The following MDGA2 variants were observed in gnomAD, a reference collection of about 807,000 sequenced individuals.
MDGA2 encodes the protein MAM domain containing glycosylphosphatidylinositol anchor 2.
In MDGA2, 40 loss-of-function variants were observed where a neutral mutation model predicts 117.8. The observed-to-expected ratio is 0.34, with a 90% CI of 0.26 to 0.44. The LOEUF is 0.44. Ranked by LOEUF, MDGA2 falls within the 20% of genes least tolerant of loss-of-function variation. The probability of loss-of-function intolerance (pLI) is 1.00; values close to 1 mark genes in which losing one functional copy is unlikely to be tolerated. For synonymous variants in MDGA2, 452 were observed against 439.0 expected, an observed-to-expected ratio of 1.03 and a Z score of -0.37; for missense variants, 1,123 against 1,250.6, an observed-to-expected ratio of 0.90 and a Z score of 1.54.
At position 47,175,647 on chromosome 14, in the gene MDGA2, T is replaced by A. The variant is rs898492771; in HGVS notation, c.596-31373A>T. Among the ~76,000 whole-genome samples the A allele has an allele frequency of 1.9e-4, 29 of 151,760 alleles. 1 individual carries two copies. The highest frequency in any genetic ancestry group is 3.8e-4 in the Non-Finnish European group (26 of 68,016). ...ATAAATTACATATTGATGGGACGTA[T>A]CTCAAAATAATAAGAGCTATCTATG... On this transcript the variant is annotated intron_variant, in intron 3 of 16. Transcript: ENST00000399232.
chr14:47,064,796 C>T (rs552104280), intron 6 of MDGA2, among the ~76,000 whole-genome samples: 8 of 152,170 alleles, frequency 5.3e-5, no homozygotes, highest in African/African-American at 1.9e-4. Context: ...TATAATTAAA[C>T]GCTCTCTTTT....
At chr14:47,021,292 C>T (rs10484194) in intron 8 of MDGA2, among the ~76,000 whole-genome samples, 22,238 of 152,070 alleles carry the variant, frequency 0.15, 1,702 homozygotes, top group Admixed American at 0.22. Context: ...AGCAACCATC[C>T]TCATTCTAAA....
At chr14:47,408,056 C>CTTTTTTTTTTTTTTTTTTTTTTTTTTT (rs56285818) in intron 1 of MDGA2, among the ~76,000 whole-genome samples, 2 of 115,188 alleles carry the variant, frequency 1.7e-5, no homozygotes, top group Non-Finnish European at 3.4e-5. Flanking sequence ...GGAGATTATT[C>CTTTTTTTTTTTTTTTTTTTTTTTTTTT]TTTTTTTTTT....
intron 2 of MDGA2, among the ~76,000 whole-genome samples, chr14:47,281,646 A>T (rs1888494385): frequency 6.6e-6 from 1 of 152,210 alleles, no homozygotes; most frequent in Admixed American, 6.5e-5. Flanking sequence ...TCAACTAATG[A>T]TTTTAGCAGT....
chr14:47,256,704 G>A (rs1297334415), intron 2 of MDGA2, among the ~76,000 whole-genome samples: 1 of 152,016 alleles, frequency 6.6e-6, no homozygotes, highest in African/African-American at 2.4e-5. Context: ...GATTGAGTTG[G>A]TTTGTAATTT....
chr14:47,631,308 A>G (rs1381049291), intron 1 of MDGA2, among the ~76,000 whole-genome samples: 1 of 152,148 alleles, frequency 6.6e-6, no homozygotes, highest in African/African-American at 2.4e-5. Context: ...CTTTCTATCC[A>G]CATCCCCTTC....
chr14:47,564,607 G>T (rs569195263), intron 1 of MDGA2, among the ~76,000 whole-genome samples: 4 of 152,284 alleles, frequency 2.6e-5, no homozygotes, highest in African/African-American at 9.6e-5. Context: ...AATTATGGAA[G>T]TTCAATTCAA....
At chr14:47,173,408 G>T (rs150595161) in intron 3 of MDGA2, among the ~76,000 whole-genome samples, 8,658 of 152,182 alleles carry the variant, frequency 0.057, 324 homozygotes, top group East Asian at 0.17. Flanking sequence ...AGAAAGGTTG[G>T]GTTACCCACA....
Position 47,159,469 on chromosome 14 carries a change from T to A in MDGA2, c.596-15195A>T, listed in dbSNP as rs201863084. The stretch of plus-strand genomic sequence containing the variant: ...TAGTCAATCATTCCCATTAATTGTC[T>A]CTAAACTCCCATTAATTGTCCTTAA... On this transcript the variant is annotated intron_variant, in intron 3 of 16. Transcript: ENST00000399232. Among the ~76,000 whole-genome samples, 23 of 152,352 alleles carry A rather than the reference T, an allele frequency of 1.5e-4. No individual in the cohort carries two copies. The East Asian group carries it at 4.4e-3, about 29-fold the overall frequency.
intron 1 of MDGA2, among the ~76,000 whole-genome samples, chr14:47,571,815 G>C (rs1896025857): frequency 6.6e-6 from 1 of 152,038 alleles, no homozygotes. Context: ...TAGATGACGG[G>C]TTGATGGGTG....
intron 1 of MDGA2, among the ~76,000 whole-genome samples, chr14:47,441,547 TATAA>T (rs1181693729): frequency 6.6e-6 from 1 of 152,174 alleles, no homozygotes; most frequent in African/African-American, 2.4e-5. Context: ...AAAATAAGTA[TATAA>T]ATAAATATGT....
At chr14:47,148,811 C>G (rs1001393463) in intron 3 of MDGA2, among the ~76,000 whole-genome samples, 1 of 152,126 alleles carries the variant, frequency 6.6e-6, no homozygotes, top group Non-Finnish European at 1.5e-5. Context: ...GGACAAGGAT[C>G]GTGGCTTTTC....
chr14:47,538,910 G>A (rs749642813), intron 1 of MDGA2, among the ~76,000 whole-genome samples: 4 of 152,130 alleles, frequency 2.6e-5, no homozygotes, highest in African/African-American at 9.6e-5. Flanking sequence ...CAGGGGTAAC[G>A]GAGTACCTAA....
chr14:46,937,526 A>C (rs372373229), intron 9 of MDGA2, among the ~76,000 whole-genome samples: 60 of 152,324 alleles, frequency 3.9e-4, no homozygotes, highest in African/African-American at 1.4e-3. Flanking sequence ...GAGCAAAAGA[A>C]ACAAAGCTGA....
chr14:47,377,995 C>A (rs1891519539), intron 1 of MDGA2, among the ~76,000 whole-genome samples: 2 of 152,186 alleles, frequency 1.3e-5, no homozygotes, highest in Non-Finnish European at 2.9e-5. Flanking sequence ...CAGCTGGGTG[C>A]CCCTCTGAGA....
chr14:47,544,206 T>G (rs900358226), intron 1 of MDGA2, among the ~76,000 whole-genome samples: 2 of 152,194 alleles, frequency 1.3e-5, no homozygotes, highest in Admixed American at 1.3e-4. Context: ...TCAAATTGTG[T>G]TCATGCCTAA....
intron 1 of MDGA2, among the ~76,000 whole-genome samples, chr14:47,333,097 C>T (rs886193674): frequency 4.0e-5 from 6 of 151,414 alleles, no homozygotes; most frequent in Admixed American, 6.6e-5. Flanking sequence ...AATATTGCTG[C>T]GATAAACATA....
chr14:47,646,990 T>G (rs891759235), intron 1 of MDGA2, among the ~76,000 whole-genome samples: 1 of 152,196 alleles, frequency 6.6e-6, no homozygotes, highest in Non-Finnish European at 1.5e-5. Context: ...ATCTAAGAGA[T>G]AGTTTATTAA....
At chr14:47,366,030 G>C (rs1891223646) in intron 1 of MDGA2, among the ~76,000 whole-genome samples, 1 of 152,244 alleles carries the variant, frequency 6.6e-6, no homozygotes, top group South Asian at 2.1e-4. Context: ...AACCATGTAT[G>C]AAGGAAAAAG....
Sources: allele counts gnomAD v4.1 joint callset (sites outside exome capture counted in the v4.1 genomes callset), GRCh38; gene constraint gnomAD v4.1.1; transcripts MANE v1.5; gene names NCBI Gene and HGNC (gene_info 2026-07-23, HGNC 2026-07-21).